The following CCL28 variants were observed in gnomAD, a reference collection of about 807,000 sequenced individuals.
CCL28 encodes the protein C-C motif chemokine ligand 28.
CCL28 carries 4 observed loss-of-function variants against 7.1 expected under a neutral mutation model. The observed-to-expected ratio is 0.56, with a 90% CI of 0.28 to 1.29. The LOEUF is 1.29. Among genes scored for constraint, CCL28 ranks in the 50% most tolerant of loss-of-function variants. The pLI is 0.11. For missense variants in CCL28, 151 were observed against 163.4 expected (o/e 0.92, Z 0.41); for synonymous variants, 55 against 57.8 (o/e 0.95, Z 0.22).
chr5:43,359,337 G>A, the CCL28 span, among the ~76,000 whole-genome samples: 2 of 152,188 alleles, frequency 1.3e-5, no homozygotes, highest in Admixed American at 1.3e-4. Context: ...TTAAATAAAA[G>A]TACTCTTTAT....
At chr5:43,397,085 A>T (rs1740840892) in intron 1 of CCL28, 1 of 152,208 alleles carries the variant, frequency 6.6e-6, no homozygotes, top group Admixed American at 6.5e-5. Context: ...CCGCGCGCGG[A>T]GAGGACCGAC....
the CCL28 span, among the ~76,000 whole-genome samples, chr5:43,369,949 A>C: frequency 6.6e-6 from 1 of 152,234 alleles, no homozygotes; most frequent in Non-Finnish European, 1.5e-5. Context: ...TAGTATGGGA[A>C]GAGACCACAT....
At chr5:43,362,353 C>CT in the CCL28 span, among the ~76,000 whole-genome samples, 1 of 152,096 alleles carries the variant, frequency 6.6e-6, no homozygotes, top group African/African-American at 2.4e-5. Context: ...CCTGAAACTG[C>CT]TGAAGTTGTT....
the CCL28 span, among the ~76,000 whole-genome samples, chr5:43,357,683 G>A: frequency 6.6e-6 from 1 of 151,724 alleles, no homozygotes; most frequent in Non-Finnish European, 1.5e-5. Flanking sequence ...CTGAAAGAAA[G>A]GGGGGGAAAA....
intron 1 of CCL28, among the ~76,000 whole-genome samples, chr5:43,395,385 TAA>T (rs1444802486): frequency 6.6e-6 from 1 of 152,104 alleles, no homozygotes; most frequent in Admixed American, 6.6e-5. Context: ...AGTAATAGTT[TAA>T]AAGTTTGAGC....
chr5:43,409,508 C>T (rs1217846839), intron 1 of CCL28, among the ~76,000 whole-genome samples: 1 of 152,038 alleles, frequency 6.6e-6, no homozygotes, highest in African/African-American at 2.4e-5. Context: ...TCTTAGGGAC[C>T]ACAATTGGAG....
At position 43,381,738 on chromosome 5, in the gene CCL28, A is replaced by G. The variant is rs1336576797; in HGVS notation, c.*122T>C. On this transcript the variant is annotated 3_prime_UTR_variant, in exon 3 of 3. Coordinates refer to ENST00000361115, the MANE Select transcript of CCL28 (RefSeq NM_148672.3). ...CATACCGCACAATTGTTCATTTTTT[A>G]AAAACCAATATTTTGTTTTGTTCTG... 1.2e-6 allele frequency: 1 copy of G among 834,648 alleles called. No individual in the cohort carries two copies. The highest frequency in any genetic ancestry group is 1.9e-6 in the Non-Finnish European group (1 of 524,262). 51.7% of individuals were successfully genotyped at this position (834,648 alleles called of 1,614,324 possible). A position where few individuals can be genotyped will look rare whatever the true frequency, so the allele number is the denominator to read the frequency against.
chr5:43,389,114 G>A (rs1308375305), intron 1 of CCL28, among the ~76,000 whole-genome samples: 1 of 152,194 alleles, frequency 6.6e-6, no homozygotes, highest in Non-Finnish European at 1.5e-5. Flanking sequence ...GGGGCTGGGG[G>A]GCTAAGGGAT....
downstream of CCL28, among the ~76,000 whole-genome samples, chr5:43,374,801 T>A (rs899724030): frequency 9.0e-4 from 126 of 140,174 alleles, 4 homozygotes; most frequent in Non-Finnish European, 1.9e-4. Context: ...AAAAAAAAAA[T>A]TCAGATCTCA....
intron 1 of CCL28, among the ~76,000 whole-genome samples, chr5:43,394,893 C>T (rs1303185842): frequency 1.3e-5 from 2 of 151,664 alleles, no homozygotes; most frequent in Non-Finnish European, 1.5e-5. Flanking sequence ...CATACTTATT[C>T]ATAATATATT....
chr5:43,370,895 C>T, the CCL28 span, among the ~76,000 whole-genome samples: 1 of 152,044 alleles, frequency 6.6e-6, no homozygotes, highest in Admixed American at 6.6e-5. Flanking sequence ...GCACCCACCA[C>T]CATGACCAGC....
In CCL28 at chr5:43,380,838, A is replaced by G. The variant is rs1740081645; in HGVS notation, c.*1022T>C. Reference sequence around the variant, plus strand: ...AATAATTTTAAAAATTAAAAAAAAAAGACAGAGGAACTTTCTTAGATTGAA... The same window carrying G: ...AATAATTTTAAAAATTAAAAAAAAAGGACAGAGGAACTTTCTTAGATTGAA... On this transcript the variant is annotated 3_prime_UTR_variant, in exon 3 of 3. Transcript: ENST00000361115. 6.6e-6 allele frequency: 1 copy of G among 152,116 alleles called. No homozygotes were observed. Among genetic ancestry groups the G allele is most frequent in the South Asian group, 2.1e-4 (1 of 4,818 alleles). The allele number at this position is 152,116 out of a possible 1,614,324, so 9.4% of individuals were successfully genotyped here. A position where few individuals can be genotyped will look rare whatever the true frequency, so the allele number is the denominator to read the frequency against.
At chr5:43,402,948 C>A (rs1190005894) in intron 1 of CCL28, among the ~76,000 whole-genome samples, 1 of 152,210 alleles carries the variant, frequency 6.6e-6, no homozygotes, top group Non-Finnish European at 1.5e-5. Flanking sequence ...AGCAAGGCGG[C>A]AGTGAGGCTG....
intron 1 of CCL28, among the ~76,000 whole-genome samples, chr5:43,408,272 A>C (rs890549534): frequency 2.0e-5 from 3 of 152,348 alleles, no homozygotes; most frequent in Admixed American, 6.5e-5. Context: ...GGATTAAGAA[A>C]ATGTGGCACA....
the CCL28 span, among the ~76,000 whole-genome samples, chr5:43,360,834 A>G: frequency 2.0e-5 from 3 of 151,742 alleles, no homozygotes; most frequent in African/African-American, 7.2e-5. Flanking sequence ...TTTTTCTTCA[A>G]CTTTGAAGTT....
At chr5:43,367,982 T>A in the CCL28 span, among the ~76,000 whole-genome samples, 1 of 152,198 alleles carries the variant, frequency 6.6e-6, no homozygotes, top group Admixed American at 6.5e-5. Flanking sequence ...AAGGTAGGCC[T>A]GCTGGAGTGC....
chr5:43,385,383 C>T (rs754575512), intron 2 of CCL28, among the ~76,000 whole-genome samples: 8 of 152,142 alleles, frequency 5.3e-5, no homozygotes, highest in African/African-American at 1.9e-4. Context: ...GTAAGTTTAC[C>T]GTACGTTGAC....
chr5:43,411,077 A>G (rs889893537), intron 1 of CCL28, among the ~76,000 whole-genome samples: 1 of 152,200 alleles, frequency 6.6e-6, no homozygotes, highest in East Asian at 1.9e-4. Context: ...AGTTCTTGCC[A>G]TGGTATGGTG....
In CCL28 at chr5:43,381,800, C is replaced by A. The variant is rs1476807980; in HGVS notation, c.*60G>T. ...AAGGAGAATTCAGATGATAAACTTA[C>A]AACCAATCATGGCCAAGTCCACTTG... On this transcript the variant is annotated 3_prime_UTR_variant, in exon 3 of 3. Coordinates refer to ENST00000361115, the MANE Select transcript of CCL28 (RefSeq NM_148672.3). The A allele has an allele frequency of 1.2e-5, 16 of 1,379,004 alleles. No homozygotes were observed. The highest frequency in any genetic ancestry group is 2.0e-5 in the Admixed American group (1 of 49,970). The allele number at this position is 1,379,004 out of a possible 1,614,324, so 85.4% of individuals were successfully genotyped here. A position where few individuals can be genotyped will look rare whatever the true frequency, so the allele number is the denominator to read the frequency against.
Sources: allele counts gnomAD v4.1 joint callset (sites outside exome capture counted in the v4.1 genomes callset), GRCh38; gene constraint gnomAD v4.1.1; transcripts MANE v1.5; gene names NCBI Gene and HGNC (gene_info 2026-07-23, HGNC 2026-07-21).